The following XXYLT1 variants were observed in gnomAD, a reference collection of about 807,000 sequenced individuals.
XXYLT1 encodes the protein xyloside xylosyltransferase 1.
Under a neutral mutation model 28.9 loss-of-function variants are expected in XXYLT1, and 20 were observed. That is an observed-to-expected ratio of 0.69 (90% CI 0.49 to 1.00). The LOEUF (loss-of-function observed/expected upper bound fraction) is 1.00. Ranked by LOEUF, XXYLT1 falls within the 50% of genes least tolerant of loss-of-function variation. The pLI is 0.00. For synonymous variants in XXYLT1, 257 were observed against 253.8 expected (o/e 1.01, Z -0.12); for missense variants, 542 against 560.1 (o/e 0.97, Z 0.33).
rs550373611 is a variant in XXYLT1 at position 195,100,026 on chromosome 3, A to G, written c.786-29915T>C. Among the ~76,000 whole-genome samples the G allele has an allele frequency of 1.3e-4, 20 of 152,296 alleles. No homozygotes were observed. The East Asian group carries it at 3.1e-3, about 23-fold the overall frequency. On this transcript the variant is annotated intron_variant, in intron 3 of 3. Transcript: ENST00000310380. Reference sequence around the variant, plus strand: ...AAAGAAGACAGACTAAATAAAGTACAATAAATATCTATAGAATAAAGTAGT... The same window carrying G: ...AAAGAAGACAGACTAAATAAAGTACGATAAATATCTATAGAATAAAGTAGT...
chr3:195,110,449 A>AAG (rs1717564070), intron 3 of XXYLT1, among the ~76,000 whole-genome samples: 1 of 7,666 alleles, frequency 1.3e-4, no homozygotes, highest in Non-Finnish European at 2.8e-4. Flanking sequence ...ATGTGGTGTA[A>AAG]AGTGTGTGTG....
chr3:195,175,325 G>A (rs549153454), intron 2 of XXYLT1, among the ~76,000 whole-genome samples: 7 of 152,356 alleles, frequency 4.6e-5, no homozygotes, highest in Non-Finnish European at 5.9e-5. Context: ...GCACCAGCCC[G>A]GCGGACAGAA....
rs1427246911 is a variant in XXYLT1, at chr3:195,195,784, C to A, written c.652+30925G>T. Among the ~76,000 whole-genome samples, 3 of 152,200 alleles carry A rather than the reference C, an allele frequency of 2.0e-5. No individual in the cohort carries two copies. The highest frequency in any genetic ancestry group is 2.0e-4 in the Admixed American group (3 of 15,288). ...GGAGCCCCTTCCAGCAGGCTCACCC[C>A]TCTGGCCTGCAGGAGTTCAGCACCG... On this transcript the variant is annotated intron_variant, in intron 2 of 3. Coordinates refer to ENST00000310380, the MANE Select transcript of XXYLT1 (RefSeq NM_152531.5). This position sits in a 1 kb window ranked among gnomAD's most constrained non-coding sequence, Gnocchi z 4.4.
intron 3 of XXYLT1, among the ~76,000 whole-genome samples, chr3:195,072,740 C>T (rs1714895011): frequency 6.6e-6 from 1 of 152,144 alleles, no homozygotes; most frequent in Admixed American, 6.5e-5. Context: ...CCACCCAAAG[C>T]GATGTTCAGG....
chr3:195,113,046 A>C (rs1230384506), intron 3 of XXYLT1, among the ~76,000 whole-genome samples: 1 of 152,204 alleles, frequency 6.6e-6, no homozygotes, highest in African/African-American at 2.4e-5. Flanking sequence ...TTTGAGCTTC[A>C]GCTTCCTCCC....
rs59196651 is a variant in XXYLT1 at position 195,209,686 on chromosome 3, C to G, written c.652+17023G>C. 9,685 of 152,688 alleles carry G rather than the reference C, an allele frequency of 0.063. 425 individuals are homozygous for G. The highest frequency in any genetic ancestry group is 0.12 in the African/African-American group (5,181 of 41,496). 9.5% of individuals were successfully genotyped at this position (152,688 alleles called of 1,614,324 possible). A position where few individuals can be genotyped will look rare whatever the true frequency, so the allele number is the denominator to read the frequency against. Reference sequence around the variant, plus strand: ...AAGGCTGCAGCACAGGAGGGATGACCGGGGAGCAGCAGGAACGCTGACCAG... The same window carrying G: ...AAGGCTGCAGCACAGGAGGGATGACGGGGGAGCAGCAGGAACGCTGACCAG... On this transcript the variant is annotated intron_variant, in intron 2 of 3. Transcript: ENST00000310380. The surrounding 1 kb of genome is among the most constrained non-coding windows in gnomAD (Gnocchi z 5.0).
intron 3 of XXYLT1, among the ~76,000 whole-genome samples, chr3:195,104,875 T>C (rs780911779): frequency 4.6e-5 from 7 of 151,996 alleles, no homozygotes; most frequent in Non-Finnish European, 8.8e-5. Flanking sequence ...TTTCCCAGTG[T>C]CTACAGTTAG....
chr3:195,266,443 G>A (rs899482092), intron 1 of XXYLT1, among the ~76,000 whole-genome samples: 14 of 151,726 alleles, frequency 9.2e-5, no homozygotes, highest in Non-Finnish European at 1.9e-4. Flanking sequence ...GCAGTGAGCC[G>A]AGACCGCACC....
chr3:195,128,002 T>C (rs1718722245), intron 3 of XXYLT1, among the ~76,000 whole-genome samples: 2 of 152,026 alleles, frequency 1.3e-5, no homozygotes, highest in Non-Finnish European at 2.9e-5. Flanking sequence ...CTCATACAGA[T>C]AGTTGGGAAA....
chr3:195,246,687 G>A (rs1001106426), intron 1 of XXYLT1, among the ~76,000 whole-genome samples: 1 of 152,232 alleles, frequency 6.6e-6, no homozygotes, highest in Non-Finnish European at 1.5e-5. Context: ...AGGCGGGGGT[G>A]AGCAGGGGTC....
At chr3:195,231,361 A>G (rs1185410151) in intron 1 of XXYLT1, among the ~76,000 whole-genome samples, 4 of 151,908 alleles carry the variant, frequency 2.6e-5, no homozygotes, top group African/African-American at 9.7e-5. Flanking sequence ...TTCCTTTCCC[A>G]TTTGGATAGG....
intron 3 of XXYLT1, among the ~76,000 whole-genome samples, chr3:195,071,154 G>A (rs6786493): frequency 0.1 from 15,758 of 152,178 alleles, 1,637 homozygotes; most frequent in African/African-American, 0.26. Flanking sequence ...CAATCGTGCC[G>A]GTGACCTGGA....
At chr3:195,220,381 T>A (rs1723770763) in intron 2 of XXYLT1, among the ~76,000 whole-genome samples, 1 of 152,228 alleles carries the variant, frequency 6.6e-6, no homozygotes, top group South Asian at 2.1e-4. Context: ...TGACCTCAGA[T>A]GATCCGCCCG....
intron 2 of XXYLT1, among the ~76,000 whole-genome samples, chr3:195,188,257 A>G (rs1399963090): frequency 6.6e-6 from 1 of 152,226 alleles, no homozygotes; most frequent in Non-Finnish European, 1.5e-5. Flanking sequence ...GGCTGAAACA[A>G]TCCTCTGTGC....
At chr3:195,165,881 T>C (rs1183408111) in intron 2 of XXYLT1, among the ~76,000 whole-genome samples, 2 of 152,132 alleles carry the variant, frequency 1.3e-5, no homozygotes, top group Non-Finnish European at 2.9e-5. Context: ...GACTACACAC[T>C]TTACATATTT....
chr3:195,122,510 T>A (rs763997819), intron 3 of XXYLT1, among the ~76,000 whole-genome samples: 1 of 149,498 alleles, frequency 6.7e-6, no homozygotes, highest in Non-Finnish European at 1.5e-5. Flanking sequence ...AGCAGCTCAG[T>A]GTCTAGCTGA....
intron 2 of XXYLT1, among the ~76,000 whole-genome samples, chr3:195,207,066 T>C (rs2108773365): frequency 6.6e-6 from 1 of 152,262 alleles, no homozygotes; most frequent in East Asian, 1.9e-4. Flanking sequence ...GGCTTTAACC[T>C]GGGTCTTCAG....
In XXYLT1 at chr3:195,088,247, A is replaced by G. The variant is rs576469688; in HGVS notation, c.786-18136T>C. 2.7e-4 allele frequency among the ~76,000 whole-genome samples: 41 copies of G among 151,332 alleles called. No homozygotes were observed. In the East Asian group the frequency reaches 5.7e-3, roughly 21 times the overall value. On this transcript the variant is annotated intron_variant, in intron 3 of 3. Coordinates refer to ENST00000310380, the MANE Select transcript of XXYLT1 (RefSeq NM_152531.5). ...TCTGGGGGCAGGGCACAGACAAACA[A>G]AAAGACAGCAGTAACCTCTGCAGAC...
At chr3:195,211,167 G>A (rs1334939780) in intron 2 of XXYLT1, among the ~76,000 whole-genome samples, 4 of 152,260 alleles carry the variant, frequency 2.6e-5, no homozygotes, top group Non-Finnish European at 5.9e-5. Context: ...GCTGAAGCAG[G>A]TGACTCACCT....
Sources: gnomAD v4.1 joint callset for allele counts (sites outside exome capture counted in the v4.1 genomes callset) on GRCh38, gnomAD v4.1.1 for gene constraint, Gnocchi (gnomAD v3.1) non-coding constraint, MANE v1.5 for transcripts, NCBI Gene and HGNC (gene_info 2026-07-23, HGNC 2026-07-21) for gene names.